The following FIRRM variants were observed in gnomAD, a reference collection of about 807,000 sequenced individuals.
FIRRM encodes FIGNL1 interacting regulator of recombination and mitosis, also known as FIGNL1-interacting regulator of recombination and mitosis.
chr1:169,824,354 C>T, the FIRRM span, among the ~76,000 whole-genome samples: 2 of 152,202 alleles, frequency 1.3e-5, no homozygotes, highest in Non-Finnish European at 2.9e-5. Flanking sequence ...TATTCCCTTT[C>T]CCTCTTGCAT....
chr1:169,846,589 C>T, the FIRRM span, among the ~76,000 whole-genome samples: 4 of 152,190 alleles, frequency 2.6e-5, no homozygotes. Flanking sequence ...TCACCTTGTG[C>T]TTTTGTGTTA....
the FIRRM span, among the ~76,000 whole-genome samples, chr1:169,835,766 CACTT>C: frequency 2.6e-5 from 4 of 152,112 alleles, no homozygotes; most frequent in Non-Finnish European, 2.9e-5. Flanking sequence ...GGAAGTAGTT[CACTT>C]ACTTACTGGA....
At chr1:169,846,752 T>C in the FIRRM span, among the ~76,000 whole-genome samples, 1 of 152,218 alleles carries the variant, frequency 6.6e-6, no homozygotes, top group Non-Finnish European at 1.5e-5. Flanking sequence ...TGGTTTGATC[T>C]ATCCAGACCA....
the FIRRM span, chr1:169,836,834 AAT>A: frequency 4.6e-6 from 4 of 875,528 alleles, no homozygotes; most frequent in Non-Finnish European, 6.8e-6. Context: ...GCTTTCTCGA[AAT>A]ATTAAATGTG....
At chr1:169,812,644 G>A in the FIRRM span, among the ~76,000 whole-genome samples, 1 of 152,104 alleles carries the variant, frequency 6.6e-6, no homozygotes, top group Non-Finnish European at 1.5e-5. Context: ...GATTGCTTGA[G>A]CTAGGAGTTC....
chr1:169,832,355 CT>C, the FIRRM span: 1 of 1,162,582 alleles, frequency 8.6e-7, no homozygotes, highest in African/African-American at 1.6e-5. Context: ...ATATTCTCTT[CT>C]TGTAAAAATT....
chr1:169,853,172 A>G, the FIRRM span: 2 of 631,614 alleles, frequency 3.2e-6, no homozygotes, highest in Non-Finnish European at 5.5e-6. Flanking sequence ...ACAATGTACT[A>G]CATGTGGAAC....
the FIRRM span, among the ~76,000 whole-genome samples, chr1:169,831,703 A>T: frequency 6.6e-6 from 1 of 152,220 alleles, no homozygotes; most frequent in African/African-American, 2.4e-5. Flanking sequence ...ATGGAATGAT[A>T]CTATATTATG....
chr1:169,837,260 A>G, the FIRRM span: 1 of 573,516 alleles, frequency 1.7e-6, no homozygotes, highest in Non-Finnish European at 2.7e-6. Flanking sequence ...AGATTTCTTC[A>G]TTGTAAAAGA....
the FIRRM span, among the ~76,000 whole-genome samples, chr1:169,844,914 C>T: frequency 2.2e-3 from 342 of 152,082 alleles, 1 homozygote; most frequent in Middle Eastern, 0.017. Context: ...CTAAATTTTG[C>T]CCTCCTGTTT....
At chr1:169,826,338 C>A in the FIRRM span, among the ~76,000 whole-genome samples, 450 of 147,770 alleles carry the variant, frequency 3.0e-3, 3 homozygotes, top group Middle Eastern at 0.05. Context: ...GCTGGGATTA[C>A]AGGCGTGAGC....
the FIRRM span, among the ~76,000 whole-genome samples, chr1:169,839,960 C>A: frequency 2.0e-5 from 3 of 152,144 alleles, no homozygotes; most frequent in Non-Finnish European, 2.9e-5. Context: ...CTAGCTATCC[C>A]AGCACCATTT....
chr1:169,821,098 GA>G, the FIRRM span, among the ~76,000 whole-genome samples: 3 of 152,100 alleles, frequency 2.0e-5, no homozygotes, highest in Non-Finnish European at 4.4e-5. Flanking sequence ...AATGGTAAAA[GA>G]AAGTGCTTGT....
At chr1:169,848,603 A>T in the FIRRM span, among the ~76,000 whole-genome samples, 1 of 152,214 alleles carries the variant, frequency 6.6e-6, no homozygotes, top group Non-Finnish European at 1.5e-5. Flanking sequence ...ATCTGTCTCC[A>T]TCATGTTAAG....
the FIRRM span, among the ~76,000 whole-genome samples, chr1:169,802,080 A>G: frequency 6.6e-6 from 1 of 152,214 alleles, no homozygotes; most frequent in Admixed American, 6.5e-5. Context: ...CCAAGTATTA[A>G]GATCTAGGGT....
At chr1:169,786,568 C>T in the FIRRM span, among the ~76,000 whole-genome samples, 1 of 152,072 alleles carries the variant, frequency 6.6e-6, no homozygotes, top group Admixed American at 6.5e-5. Context: ...CGCATTCTCC[C>T]TTTAAAAAAA....
chr1:169,847,624 C>T, the FIRRM span: 1 of 1,134,164 alleles, frequency 8.8e-7, no homozygotes. Flanking sequence ...AAATCTTAGG[C>T]AGTTATTGTG....
chr1:169,804,277 C>A, the FIRRM span: 1 of 1,317,440 alleles, frequency 7.6e-7, no homozygotes, highest in Non-Finnish European at 9.9e-7. Context: ...TATATGGTGA[C>A]TATAAATCAT....
the FIRRM span, among the ~76,000 whole-genome samples, chr1:169,787,671 A>G: frequency 6.6e-6 from 1 of 152,184 alleles, no homozygotes; most frequent in South Asian, 2.1e-4. Context: ...CTGCCTTACC[A>G]TGCTTTAACA....
Sources: allele counts gnomAD v4.1 joint callset (sites outside exome capture counted in the v4.1 genomes callset), GRCh38; gene constraint gnomAD v4.1.1; transcripts MANE v1.5; gene names NCBI Gene and HGNC (gene_info 2026-07-23, HGNC 2026-07-21).